Variants in SLX4IP observed in about 807,000 individuals in gnomAD.
SLX4IP encodes the protein protein SLX4IP.
Under a neutral mutation model 32.9 loss-of-function variants are expected in SLX4IP, and 34 were observed. The ratio of observed to expected loss-of-function variants is 1.03; its 90% CI spans 0.79 to 1.38. SLX4IP has a LOEUF of 1.38. SLX4IP is among the 40% of genes most tolerant of loss of function. SLX4IP has a pLI of 0.00. For synonymous variants in SLX4IP, 172 were observed against 171.7 expected (o/e 1.00, Z -0.01); for missense variants, 444 against 479.0 (o/e 0.93, Z 0.68).
chr20:10,492,488 T>A (rs1331908226), intron 2 of SLX4IP, among the ~76,000 whole-genome samples: 1 of 152,226 alleles, frequency 6.6e-6, no homozygotes, highest in Non-Finnish European at 1.5e-5. Context: ...CTGGTTCATA[T>A]CTTTTACTCA....
In SLX4IP at chr20:10,626,076, G is replaced by A. The variant is rs1187386351; in HGVS notation, c.*2697G>A. 1 of 147,752 alleles carries A rather than the reference G, an allele frequency of 6.8e-6. No homozygotes were observed. Among genetic ancestry groups the A allele is most frequent in the Non-Finnish European group, 1.5e-5 (1 of 67,028 alleles). 9.2% of individuals were successfully genotyped at this position (147,752 alleles called of 1,614,324 possible). A position where few individuals can be genotyped will look rare whatever the true frequency, so the allele number is the denominator to read the frequency against. ...GTCGCCCAGGCTGGAGTGCAGTGGG[G>A]CGATCTTGGCTCACTGCAAGCTCCG... On this transcript the variant is annotated 3_prime_UTR_variant, in exon 8 of 8. Coordinates refer to ENST00000334534, the MANE Select transcript of SLX4IP (RefSeq NM_001009608.3).
intron 2 of SLX4IP, among the ~76,000 whole-genome samples, chr20:10,550,384 G>A (rs1353703942): frequency 6.6e-6 from 1 of 152,146 alleles, no homozygotes; most frequent in African/African-American, 2.4e-5. Context: ...AGTGGGCGTG[G>A]TAGAAACGGA....
At chr20:10,436,123 A>G (rs747985238) in intron 1 of SLX4IP, among the ~76,000 whole-genome samples, 23 of 152,224 alleles carry the variant, frequency 1.5e-4, no homozygotes, top group Middle Eastern at 3.4e-3. Flanking sequence ...TCCTAGACAT[A>G]ACGATATTTG....
intron 4 of SLX4IP, among the ~76,000 whole-genome samples, chr20:10,564,053 T>G (rs960449195): frequency 6.6e-6 from 1 of 152,204 alleles, no homozygotes; most frequent in Non-Finnish European, 1.5e-5. Flanking sequence ...ACAGGATTGA[T>G]TTTCACTGAT....
intron 2 of SLX4IP, among the ~76,000 whole-genome samples, chr20:10,500,609 A>G (rs752821940): frequency 1.3e-5 from 2 of 151,976 alleles, no homozygotes; most frequent in Non-Finnish European, 2.9e-5. Context: ...AAAATTAACC[A>G]TGCGTGGTGG....
chr20:10,505,924 T>C (rs1192144675), intron 2 of SLX4IP, among the ~76,000 whole-genome samples: 1 of 152,208 alleles, frequency 6.6e-6, no homozygotes, highest in East Asian at 1.9e-4. Context: ...CATAAACTAG[T>C]TTATTGCATG....
chr20:10,525,864 T>A (rs1343306241), intron 2 of SLX4IP, among the ~76,000 whole-genome samples: 1 of 152,238 alleles, frequency 6.6e-6, no homozygotes, highest in African/African-American at 2.4e-5. Flanking sequence ...TTCCACTGTC[T>A]TGACTTATTC....
chr20:10,458,369 C>G (rs2065305933), intron 2 of SLX4IP, 138 bp downstream of exon 2: 1 of 667,214 alleles, frequency 1.5e-6, no homozygotes, highest in Non-Finnish European at 2.4e-6. Context: ...TTTTTTCCTT[C>G]AACTTTTAAG....
chr20:10,499,822 G>A (rs1198204117), intron 2 of SLX4IP, among the ~76,000 whole-genome samples: 1 of 152,162 alleles, frequency 6.6e-6, no homozygotes, highest in East Asian at 1.9e-4. Context: ...TCTATAACCT[G>A]GGTTTAACTG....
At chr20:10,467,160 T>TC (rs2065387119) in intron 2 of SLX4IP, among the ~76,000 whole-genome samples, 1 of 152,236 alleles carries the variant, frequency 6.6e-6, no homozygotes, top group Non-Finnish European at 1.5e-5. Flanking sequence ...CTAGGTTTTT[T>TC]CGTCTACTTA....
At chr20:10,447,866 A>ATT (rs35397723) in intron 1 of SLX4IP, among the ~76,000 whole-genome samples, 3 of 119,520 alleles carry the variant, frequency 2.5e-5, no homozygotes, top group Non-Finnish European at 3.4e-5. Flanking sequence ...CACCTGGCTG[A>ATT]TTTTTTTTTT....
At chr20:10,518,725 A>C (rs2065880592) in intron 2 of SLX4IP, among the ~76,000 whole-genome samples, 1 of 151,770 alleles carries the variant, frequency 6.6e-6, no homozygotes, top group Non-Finnish European at 1.5e-5. Flanking sequence ...GAGTCACCAC[A>C]TCTGGCTAAT....
intron 4 of SLX4IP, among the ~76,000 whole-genome samples, chr20:10,577,552 C>CAA (rs141143963): frequency 1.3e-5 from 2 of 151,942 alleles, no homozygotes; most frequent in African/African-American, 4.8e-5. Context: ...TCTGTCTCTA[C>CAA]AAAAAAACAT....
At chr20:10,622,406 C>A (rs185074050) in intron 7 of SLX4IP, among the ~76,000 whole-genome samples, 25 of 152,296 alleles carry the variant, frequency 1.6e-4, no homozygotes, top group African/African-American at 6.0e-4. Context: ...TGAACGCCAT[C>A]ATAAATCCAT....
At chr20:10,602,163 G>A (rs1439359619) in intron 6 of SLX4IP, among the ~76,000 whole-genome samples, 1 of 152,204 alleles carries the variant, frequency 6.6e-6, no homozygotes, top group African/African-American at 2.4e-5. Context: ...TGTTTCCACT[G>A]GAGGCTTTCA....
intron 2 of SLX4IP, among the ~76,000 whole-genome samples, chr20:10,555,663 C>T (rs2066259174): frequency 6.6e-6 from 1 of 152,178 alleles, no homozygotes; most frequent in Non-Finnish European, 1.5e-5. Context: ...AGTTTTGTAG[C>T]ATACTTTAAT....
At chr20:10,489,654 T>A (rs534900130) in intron 2 of SLX4IP, among the ~76,000 whole-genome samples, 1 of 152,070 alleles carries the variant, frequency 6.6e-6, no homozygotes, top group East Asian at 1.9e-4. Flanking sequence ...AGCACAAGAG[T>A]AAGGGGTCAG....
intron 6 of SLX4IP, among the ~76,000 whole-genome samples, chr20:10,619,217 CTTTTTTTTTTTTTTT>C (rs59741153): frequency 7.9e-6 from 1 of 126,652 alleles, no homozygotes; most frequent in African/African-American, 3.1e-5. Context: ...CTTTTTTTTT[CTTTTTTTTTTTTTTT>C]TGAAAACTAA....
chr20:10,544,991 T>G (rs990744099), intron 2 of SLX4IP, among the ~76,000 whole-genome samples: 7 of 152,128 alleles, frequency 4.6e-5, no homozygotes, highest in African/African-American at 1.7e-4. Flanking sequence ...GAGGGCTTGT[T>G]AAAACACCGG....
Sources: gnomAD v4.1 joint callset for allele counts (sites outside exome capture counted in the v4.1 genomes callset) on GRCh38, gnomAD v4.1.1 for gene constraint, MANE v1.5 for transcripts, NCBI Gene and HGNC (gene_info 2026-07-23, HGNC 2026-07-21) for gene names.